Variants in ZNF407 observed in about 807,000 individuals in gnomAD.
ZNF407 encodes zinc finger protein 407.
ZNF407 carries 17 observed loss-of-function variants against 131.2 expected under a neutral mutation model. That is an observed-to-expected ratio of 0.13 (90% CI 0.09 to 0.19). The LOEUF (loss-of-function observed/expected upper bound fraction) is 0.19, where lower values mean the gene tolerates loss of function less well. Among genes scored for constraint, ZNF407 ranks in the 10% least tolerant of loss-of-function variants. The pLI is 1.00. For missense variants in ZNF407, 2,681 were observed against 2,830.6 expected, an observed-to-expected ratio of 0.95 and a Z score of 1.20; for synonymous variants, 1,156 against 1,062.0, an observed-to-expected ratio of 1.09 and a Z score of -1.72.
At chr18:74,730,025 G>T (rs995288922) in intron 3 of ZNF407, among the ~76,000 whole-genome samples, 2 of 152,294 alleles carry the variant, frequency 1.3e-5, no homozygotes, top group African/African-American at 4.8e-5. Flanking sequence ...CACGTTTGTT[G>T]TGTAATGACT....
chr18:74,866,156 A>G (rs1388155909), intron 4 of ZNF407, among the ~76,000 whole-genome samples: 3 of 152,296 alleles, frequency 2.0e-5, no homozygotes, highest in African/African-American at 7.2e-5. Flanking sequence ...GCTGTGATCT[A>G]TGTCGGGTTC....
intron 8 of ZNF407, among the ~76,000 whole-genome samples, chr18:74,988,936 C>T (rs937129658): frequency 5.9e-5 from 9 of 152,294 alleles, no homozygotes; most frequent in African/African-American, 2.2e-4. Context: ...ATTAAACATA[C>T]ACCTATCCAC....
intron 3 of ZNF407, among the ~76,000 whole-genome samples, chr18:74,648,038 G>T (rs1451178653): frequency 1.3e-5 from 2 of 152,150 alleles, no homozygotes; most frequent in African/African-American, 4.8e-5. Flanking sequence ...ACTAACTGGG[G>T]GAAGTGAGGA....
intron 3 of ZNF407, among the ~76,000 whole-genome samples, chr18:74,658,198 C>T (rs1355220552): frequency 5.3e-5 from 8 of 151,966 alleles, no homozygotes; most frequent in East Asian, 3.9e-4. Context: ...CTGCAACCTC[C>T]GCCTCCCGGG....
chr18:74,884,465 A>C (rs1004943010), intron 6 of ZNF407, among the ~76,000 whole-genome samples: 1 of 152,204 alleles, frequency 6.6e-6, no homozygotes, highest in African/African-American at 2.4e-5. Context: ...ACATGGACTT[A>C]AGCTATCAAG....
chr18:74,735,419 A>G (rs1038573300), intron 3 of ZNF407, among the ~76,000 whole-genome samples: 29 of 152,244 alleles, frequency 1.9e-4, no homozygotes, highest in Admixed American at 7.2e-4. Flanking sequence ...ACTGTAAGCC[A>G]TGATACATGA....
rs186543873 is a variant in ZNF407 at position 75,058,336 on chromosome 18, A to T, written c.5429-4814A>T. On this transcript the variant is annotated intron_variant, in intron 8 of 8. Coordinates refer to ENST00000299687, the MANE Select transcript of ZNF407 (RefSeq NM_017757.3). ...CATCCAAGCTGTGAACTTTCAATGC[A>T]TTCGGCTCTGAGAAGGGAGTAAAAT... Among the ~76,000 whole-genome samples the T allele has an allele frequency of 5.3e-5, 8 of 152,332 alleles. No homozygotes were observed. The East Asian group carries it at 1.4e-3, about 26-fold the overall frequency.
chr18:75,021,814 A>C (rs1030237220), intron 8 of ZNF407, among the ~76,000 whole-genome samples: 2 of 152,070 alleles, frequency 1.3e-5, no homozygotes, highest in Non-Finnish European at 2.9e-5. Flanking sequence ...TAATTTGAAT[A>C]AAAGAACTAA....
Position 74,884,925 on chromosome 18 carries a change from A to G in ZNF407, c.5128+3806A>G, listed in dbSNP as rs114509340. 3.1e-3 allele frequency among the ~76,000 whole-genome samples: 475 copies of G among 152,286 alleles called. 1 individual carries two copies. Among genetic ancestry groups the G allele is most frequent in the African/African-American group, 0.011 (454 of 41,570 alleles). ...CCCACTTCAAATATCAGCAGAATCT[A>G]TGAAAAATGAATAGTTTGAAGACAC... On this transcript the variant is annotated intron_variant, in intron 6 of 8. Transcript: ENST00000299687.
intron 3 of ZNF407, among the ~76,000 whole-genome samples, chr18:74,680,430 C>T (rs1025711502): frequency 2.0e-4 from 30 of 149,418 alleles, no homozygotes; most frequent in African/African-American, 7.4e-4. Flanking sequence ...AACCCCCAAA[C>T]AAGCCCAAAT....
At chr18:74,640,940 C>G in intron 2 of ZNF407, 68 bp from the exon 3 acceptor site, 1 of 1,171,928 alleles carries the variant, frequency 8.5e-7, no homozygotes, top group Non-Finnish European at 1.3e-6. Flanking sequence ...AAGATTTAGT[C>G]CTCTTTTCTA....
At chr18:74,613,827 A>C (rs1568314087) in intron 1 of ZNF407, among the ~76,000 whole-genome samples, 1 of 152,214 alleles carries the variant, frequency 6.6e-6, no homozygotes, top group Non-Finnish European at 1.5e-5. Flanking sequence ...AGTTGTTTTA[A>C]AGAAAAACAA....
chr18:74,763,573 G>A (rs1395399285), intron 3 of ZNF407, among the ~76,000 whole-genome samples: 3 of 151,200 alleles, frequency 2.0e-5, no homozygotes, highest in African/African-American at 4.9e-5. Context: ...TTATATTTAC[G>A]GTCTGTGATT....
intron 3 of ZNF407, among the ~76,000 whole-genome samples, chr18:74,764,140 T>C (rs1323977856): frequency 1.3e-5 from 2 of 152,222 alleles, no homozygotes; most frequent in African/African-American, 2.4e-5. Context: ...TGTGAGTTTA[T>C]AGTCTTCATT....
chr18:74,659,720 T>G (rs1985630703), intron 3 of ZNF407, among the ~76,000 whole-genome samples: 2 of 152,160 alleles, frequency 1.3e-5, no homozygotes, highest in African/African-American at 4.8e-5. Flanking sequence ...GGGGCAGGTT[T>G]TGCATTTTGA....
intron 1 of ZNF407, among the ~76,000 whole-genome samples, chr18:74,601,329 C>CTCTGTG (rs1982572423): frequency 6.9e-6 from 1 of 144,862 alleles, no homozygotes; most frequent in Non-Finnish European, 1.5e-5. Context: ...GTGTGTATGT[C>CTCTGTG]TGTGTGTGTG....
chr18:74,886,200 A>G (rs188295006), intron 6 of ZNF407, among the ~76,000 whole-genome samples: 148 of 152,342 alleles, frequency 9.7e-4, no homozygotes, highest in African/African-American at 3.4e-3. Context: ...TATGGCAGAT[A>G]AGCACATGGA....
At chr18:74,842,521 G>C (rs73474473) in intron 4 of ZNF407, among the ~76,000 whole-genome samples, 2 of 151,684 alleles carry the variant, frequency 1.3e-5, no homozygotes, top group African/African-American at 4.8e-5. Context: ...TTCTATCCTC[G>C]TATTGTTCCT....
At chr18:75,037,237 A>G (rs1973319264) in intron 8 of ZNF407, among the ~76,000 whole-genome samples, 1 of 152,230 alleles carries the variant, frequency 6.6e-6, no homozygotes, top group Admixed American at 6.5e-5. Flanking sequence ...GTAAATAGAG[A>G]ATAAATATTG....
Sources: allele counts gnomAD v4.1 joint callset (sites outside exome capture counted in the v4.1 genomes callset), GRCh38; gene constraint gnomAD v4.1.1; transcripts MANE v1.5; gene names NCBI Gene and HGNC (gene_info 2026-07-23, HGNC 2026-07-21).